RECK: variants seen among roughly 807,000 people sequenced by gnomAD.
The protein encoded by RECK is reversion-inducing cysteine-rich protein with Kazal motifs.
In RECK, 69 loss-of-function variants were observed where a neutral mutation model predicts 115.1. The observed-to-expected ratio is 0.60, with a 90% confidence interval of 0.49 to 0.73. The LOEUF is 0.73. RECK is among the 30% of genes least tolerant of loss of function. RECK has a pLI of 0.00. For missense variants in RECK, 1,047 were observed against 1,203.7 expected, an observed-to-expected ratio of 0.87 and a Z score of 1.93; for synonymous variants, 414 against 419.7, an observed-to-expected ratio of 0.99 and a Z score of 0.17.
rs772892816 is a variant in RECK at position 36,100,307 on chromosome 9, C to A, written c.1086-24C>A. 2.5e-6 allele frequency: 4 copies of A among 1,589,906 alleles called. No homozygotes were observed. The African/African-American group carries it at 5.4e-5, about 21-fold the overall frequency. On this transcript the variant is annotated intron_variant, in intron 10 of 20. Transcript: ENST00000377966. ...TCTAGAAAATAATTGCCTCTTGATT[C>A]TTTCTGGCCTTTTTTCTCTTTAGGC...
chr9:36,053,748 A>AG (rs1821402873), intron 2 of RECK, among the ~76,000 whole-genome samples: 1 of 152,214 alleles, frequency 6.6e-6, no homozygotes, highest in Non-Finnish European at 1.5e-5. Flanking sequence ...AGGCACCAGC[A>AG]GCAGGCAAGG....
intron 4 of RECK, among the ~76,000 whole-genome samples, 189 bp from the exon 5 acceptor site, chr9:36,063,606 T>A (rs759337004): frequency 3.3e-5 from 5 of 152,144 alleles, no homozygotes; most frequent in Non-Finnish European, 7.4e-5. Flanking sequence ...GTGAGGGACT[T>A]TGAAAGAGAC....
Position 36,044,369 on chromosome 9 carries a change from C to G in RECK, c.100+7271C>G, listed in dbSNP as rs1342459552. Among the ~76,000 whole-genome samples, 3 of 152,036 alleles carry G rather than the reference C, an allele frequency of 2.0e-5. No homozygotes were observed. In the East Asian group the frequency reaches 5.8e-4, roughly 29 times the overall value. ...TGAATTCGTTTATCAGATCTGGGAG[C>G]TTTTTGGATGAGTCTTTAGGGTTTT... On this transcript the variant is annotated intron_variant, in intron 1 of 20. Transcript: ENST00000377966.
chr9:36,042,819 C>T (rs1820920415), intron 1 of RECK, among the ~76,000 whole-genome samples: 1 of 152,090 alleles, frequency 6.6e-6, no homozygotes. Context: ...TCCCTTTTCA[C>T]CACATCCACT....
chr9:36,095,857 G>A (rs190555516), intron 10 of RECK, among the ~76,000 whole-genome samples: 199 of 149,396 alleles, frequency 1.3e-3, no homozygotes, highest in Admixed American at 0.012. Flanking sequence ...GATCACCTGA[G>A]GTCAGGAGTT....
In RECK at chr9:36,100,412, C is replaced by G; in HGVS notation, c.1167C>G (p.Ser389Arg). The G allele has an allele frequency of 6.2e-7, 1 of 1,614,024 alleles. No individual in the cohort carries two copies. Among genetic ancestry groups the G allele is most frequent in the Non-Finnish European group, 8.5e-7 (1 of 1,179,906 alleles). The stretch of plus-strand genomic sequence containing the variant: ...ACATGAAGTTGTGGGAGAAAGGAAG[C>G]ATAAAGATGCCATTTATCAATATAC... Reference protein sequence around the residue: ...MNDMKLWEKGSIKMPFINIPV... With the variant: ...MNDMKLWEKGRIKMPFINIPV... The change falls in exon 11 of 21, where the codon AGC becomes AGG. Residue 389 changes from serine to arginine, a missense_variant. Ser to Arg is a moderately radical substitution (Grantham distance 110). Transcript: ENST00000377966.
chr9:36,103,637 T>A (rs2132654486), intron 12 of RECK, among the ~76,000 whole-genome samples: 1 of 151,070 alleles, frequency 6.6e-6, no homozygotes, highest in Non-Finnish European at 1.5e-5. Context: ...ATGTGCTGGA[T>A]TTGTAGCTGG....
At chr9:36,080,741 AT>A in intron 7 of RECK, 103 bp downstream of exon 7, 1 of 974,042 alleles carries the variant, frequency 1.0e-6, no homozygotes. Flanking sequence ...CCCATGGTGT[AT>A]TTAGGTCATT....
chr9:36,066,962 C>T, intron 6 of RECK: 1 of 788,902 alleles, frequency 1.3e-6, no homozygotes, highest in African/African-American at 1.8e-5. Flanking sequence ...AATTAAGCAA[C>T]CATTTTCCAA....
intron 4 of RECK, among the ~76,000 whole-genome samples, chr9:36,061,958 A>G (rs1020261873): frequency 2.4e-4 from 37 of 152,038 alleles, no homozygotes; most frequent in African/African-American, 8.7e-4. Flanking sequence ...CATTTGGGGA[A>G]CTATGTTACT....
At chr9:36,042,753 A>G (rs541295780) in intron 1 of RECK, among the ~76,000 whole-genome samples, 30 of 152,238 alleles carry the variant, frequency 2.0e-4, no homozygotes, top group African/African-American at 7.0e-4. Flanking sequence ...GAATCTCCCT[A>G]CTGTTTTCCA....
chr9:36,121,428 T>TGTG, intron 19 of RECK, 105 bp from the exon 20 acceptor site: 1 of 1,059,600 alleles, frequency 9.4e-7, no homozygotes, highest in Non-Finnish European at 1.4e-6. Flanking sequence ...CGCTGAGGGC[T>TGTG]GTGCGGTCAA....
Position 36,118,738 on chromosome 9 carries a change from G to A in RECK, c.2254-19G>A, listed in dbSNP as rs2132675121. On this transcript the variant is annotated intron_variant, in intron 17 of 20. Transcript: ENST00000377966. Reference sequence around the variant, plus strand: ...CAACATAGACATTTCCAGGCTAAATGTGATTTGTTTGCCCTCAGCCCTTTT... The same window carrying A: ...CAACATAGACATTTCCAGGCTAAATATGATTTGTTTGCCCTCAGCCCTTTT... 1 of 1,610,678 alleles carries A rather than the reference G, an allele frequency of 6.2e-7. No individual in the cohort carries two copies. Among genetic ancestry groups the A allele is most frequent in the East Asian group, 2.2e-5 (1 of 44,816 alleles).
chr9:36,073,886 C>T (rs1822341812), intron 6 of RECK, among the ~76,000 whole-genome samples: 1 of 152,164 alleles, frequency 6.6e-6, no homozygotes, highest in Admixed American at 6.5e-5. Flanking sequence ...GCTGGCAATA[C>T]CAGCTCCCTA....
At chr9:36,049,697 C>T (rs1821210628) in intron 1 of RECK, among the ~76,000 whole-genome samples, 1 of 152,168 alleles carries the variant, frequency 6.6e-6, no homozygotes, top group Non-Finnish European at 1.5e-5. Flanking sequence ...GAGTCTCCCT[C>T]CCAGGAACCA....
intron 6 of RECK, among the ~76,000 whole-genome samples, chr9:36,069,527 C>T (rs1217469400): frequency 7.0e-6 from 1 of 142,608 alleles, no homozygotes; most frequent in Non-Finnish European, 1.5e-5. Context: ...TAAAAAGAAT[C>T]AAAGAGAATT....
At chr9:36,070,149 A>G (rs1198934960) in intron 6 of RECK, among the ~76,000 whole-genome samples, 1 of 152,238 alleles carries the variant, frequency 6.6e-6, no homozygotes, top group African/African-American at 2.4e-5. Flanking sequence ...GAATGTGAAA[A>G]TAGAAAGTGG....
chr9:36,082,713 G>T (rs1822774328), intron 7 of RECK, among the ~76,000 whole-genome samples: 1 of 152,192 alleles, frequency 6.6e-6, no homozygotes, highest in Non-Finnish European at 1.5e-5. Context: ...CATATCAATT[G>T]TGAGATGAAG....
intron 10 of RECK, among the ~76,000 whole-genome samples, chr9:36,098,495 G>C (rs930271476): frequency 6.6e-6 from 1 of 152,206 alleles, no homozygotes; most frequent in Non-Finnish European, 1.5e-5. Flanking sequence ...TATGAAGCAA[G>C]TGGAATTCTT....
Sources: gnomAD v4.1 joint callset for allele counts (sites outside exome capture counted in the v4.1 genomes callset) on GRCh38, gnomAD v4.1.1 for gene constraint, MANE v1.5 for transcripts, NCBI Gene and HGNC (gene_info 2026-07-23, HGNC 2026-07-21) for gene names.